Variants in SPAG16 observed in about 807,000 individuals in gnomAD.
SPAG16 encodes the protein sperm associated antigen 16.
A neutral mutation model predicts 80.4 loss-of-function variants in SPAG16; 86 were observed. That is an observed-to-expected ratio of 1.07 (90% CI 0.90 to 1.28). The LOEUF (loss-of-function observed/expected upper bound fraction) is 1.28, where lower values mean the gene tolerates loss of function less well. Ranked by LOEUF, SPAG16 falls within the 50% of genes most tolerant of loss-of-function variation. SPAG16 has a pLI of 0.00. For synonymous variants in SPAG16, 294 were observed against 265.9 expected (o/e 1.11, Z -1.03); for missense variants, 870 against 765.3 (o/e 1.14, Z -1.61).
chr2:213,851,806 A>G (rs1044180861), intron 10 of SPAG16, among the ~76,000 whole-genome samples: 1 of 152,220 alleles, frequency 6.6e-6, no homozygotes, highest in East Asian at 1.9e-4. Flanking sequence ...GGCATTATTA[A>G]TAAGTCCACA....
At chr2:214,233,586 C>T in intron 15 of SPAG16, among the ~76,000 whole-genome samples, 1 of 152,022 alleles carries the variant, frequency 6.6e-6, no homozygotes, top group East Asian at 1.9e-4. Flanking sequence ...GGTCTAGAAT[C>T]CAGATCTATA....
chr2:213,454,702 G>A (rs566224222), intron 9 of SPAG16, among the ~76,000 whole-genome samples: 35 of 152,268 alleles, frequency 2.3e-4, no homozygotes, highest in Non-Finnish European at 4.0e-4. Context: ...GTCTGCTCAG[G>A]CCTCAAGATC....
chr2:213,632,384 T>C (rs2062190209), intron 10 of SPAG16, among the ~76,000 whole-genome samples: 1 of 152,128 alleles, frequency 6.6e-6, no homozygotes, highest in Non-Finnish European at 1.5e-5. Context: ...ATCTTTAGGT[T>C]TTTCCAAACA....
intron 7 of SPAG16, 48 bp downstream of exon 7, chr2:213,350,693 T>C (rs2065278431): frequency 9.3e-7 from 1 of 1,077,102 alleles, no homozygotes; most frequent in African/African-American, 1.6e-5. Context: ...TAATCATTTT[T>C]TTAATAATAC....
intron 9 of SPAG16, among the ~76,000 whole-genome samples, chr2:213,452,410 A>G (rs2071752745): frequency 6.6e-6 from 1 of 152,134 alleles, no homozygotes; most frequent in South Asian, 2.1e-4. Context: ...CCCTCACTCT[A>G]TATCCAATTT....
intron 10 of SPAG16, among the ~76,000 whole-genome samples, chr2:213,795,576 G>T (rs2070974573): frequency 1.3e-5 from 2 of 152,100 alleles, no homozygotes; most frequent in Non-Finnish European, 2.9e-5. Context: ...TGGTGATACG[G>T]TCTGGATCTT....
At chr2:213,915,982 A>T (rs902427277) in intron 11 of SPAG16, among the ~76,000 whole-genome samples, 6 of 151,742 alleles carry the variant, frequency 4.0e-5, no homozygotes, top group Admixed American at 3.3e-4. Context: ...TTTTCTTGTA[A>T]ATTTAAGTTC....
At chr2:214,076,107 A>T (rs1559762781) in intron 13 of SPAG16, among the ~76,000 whole-genome samples, 1 of 152,208 alleles carries the variant, frequency 6.6e-6, no homozygotes, top group Non-Finnish European at 1.5e-5. Context: ...ACACAAATAC[A>T]TATGCATTTA....
chr2:214,197,076 T>C (rs1211431125), intron 15 of SPAG16, among the ~76,000 whole-genome samples: 1 of 151,984 alleles, frequency 6.6e-6, no homozygotes, highest in Non-Finnish European at 1.5e-5. Flanking sequence ...CACCTGCCAA[T>C]ATGAAGCTTT....
chr2:213,341,679 A>T (rs771078325), intron 6 of SPAG16, among the ~76,000 whole-genome samples: 1 of 152,054 alleles, frequency 6.6e-6, no homozygotes, highest in African/African-American at 2.4e-5. Context: ...CTACAGGTGC[A>T]TGCCACCATA....
chr2:213,823,583 C>T (rs1216258775), intron 10 of SPAG16, among the ~76,000 whole-genome samples: 2 of 152,156 alleles, frequency 1.3e-5, no homozygotes, highest in Non-Finnish European at 2.9e-5. Context: ...TGGTCTCAGA[C>T]TCCAGACCTC....
intron 10 of SPAG16, among the ~76,000 whole-genome samples, chr2:213,757,464 C>T (rs2068405837): frequency 6.6e-6 from 1 of 152,028 alleles, no homozygotes; most frequent in Admixed American, 6.5e-5. Context: ...TACAAAATTA[C>T]AGTAGTTAAA....
rs1422880426 is a variant in SPAG16, at chr2:213,546,667, GTA to G, written c.1070+56581_1070+56582del. On this transcript the variant is annotated intron_variant, in intron 10 of 15. Transcript: ENST00000331683. ...ACATAGGAGATATGACAGAGTGGAT[GTA>G]TATTTTAAAGAGTTTGTTAAAGCGG... Among the ~76,000 whole-genome samples, 10 of 152,228 alleles carry G rather than the reference GTA, an allele frequency of 6.6e-5. No individual in the cohort carries two copies. In the East Asian group the frequency reaches 1.9e-3, roughly 29 times the overall value.
intron 5 of SPAG16, among the ~76,000 whole-genome samples, chr2:213,335,161 T>C (rs1056616363): frequency 7.2e-5 from 11 of 152,300 alleles, no homozygotes; most frequent in East Asian, 3.9e-4. Context: ...AAGTTTGTAA[T>C]ATTTTGGAAG....
intron 12 of SPAG16, among the ~76,000 whole-genome samples, chr2:213,987,505 T>C (rs1252577155): frequency 2.0e-5 from 3 of 152,102 alleles, no homozygotes; most frequent in African/African-American, 4.8e-5. Flanking sequence ...GTATCTTTTA[T>C]TTCCAAATTC....
At position 213,803,726 on chromosome 2, in the gene SPAG16, T is replaced by C. The variant is rs565517370; in HGVS notation, c.1071-58759T>C. 2.9e-3 allele frequency among the ~76,000 whole-genome samples: 436 copies of C among 152,290 alleles called. 3 individuals carry two copies. The highest frequency in any genetic ancestry group is 0.02 in the Middle Eastern group (6 of 294). On this transcript the variant is annotated intron_variant, in intron 10 of 15. Coordinates refer to ENST00000331683, the MANE Select transcript of SPAG16 (RefSeq NM_024532.5). ...TCAGTGGCTTTCTCTTTAACTTTTTTTAAAAATGTATTATGTATGTATATA... is the reference window on the plus strand; with the variant it reads ...TCAGTGGCTTTCTCTTTAACTTTTTCTAAAAATGTATTATGTATGTATATA...
At chr2:214,238,106 A>G (rs1236017067) in intron 15 of SPAG16, 3 of 396,638 alleles carry the variant, frequency 7.6e-6, no homozygotes, top group South Asian at 5.6e-5. Flanking sequence ...AACAACTTTT[A>G]ATTAATCATA....
chr2:213,438,312 AC>A (rs1401045118), intron 9 of SPAG16, among the ~76,000 whole-genome samples: 2 of 152,230 alleles, frequency 1.3e-5, no homozygotes, highest in African/African-American at 4.8e-5. Flanking sequence ...GAAATAGACA[AC>A]AATGGCCAGG....
chr2:213,857,554 GA>G (rs35013692), intron 10 of SPAG16, among the ~76,000 whole-genome samples: 52,248 of 151,000 alleles, frequency 0.35, 9,455 homozygotes, highest in South Asian at 0.47. Flanking sequence ...CTACTGTTCA[GA>G]AAAAAAAATG....
Sources: allele counts gnomAD v4.1 joint callset (sites outside exome capture counted in the v4.1 genomes callset), GRCh38; gene constraint gnomAD v4.1.1; transcripts MANE v1.5; gene names NCBI Gene and HGNC (gene_info 2026-07-23, HGNC 2026-07-21).